Variants in ANKRD44 observed in about 807,000 individuals in gnomAD.
The protein encoded by ANKRD44 is ankyrin repeat domain 44, also known as serine/threonine-protein phosphatase 6 regulatory ankyrin repeat subunit B.
A neutral mutation model predicts 116.0 loss-of-function variants in ANKRD44; 35 were observed. The ratio of observed to expected loss-of-function variants is 0.30; its 90% CI spans 0.23 to 0.40. ANKRD44 has a LOEUF of 0.40. Ranked by LOEUF, ANKRD44 falls within the 10% of genes least tolerant of loss-of-function variation. ANKRD44 has a pLI of 1.00. For synonymous variants in ANKRD44, 435 were observed against 461.8 expected (o/e 0.94, Z 0.74); for missense variants, 1,014 against 1,242.6 (o/e 0.82, Z 2.77).
intron 3 of ANKRD44, among the ~76,000 whole-genome samples, chr2:197,139,961 C>T (rs2079319981): frequency 6.6e-6 from 1 of 151,016 alleles, no homozygotes; most frequent in South Asian, 2.1e-4. Flanking sequence ...CTCACTGCAA[C>T]ATCTGCCTCC....
At chr2:197,307,126 T>TA (rs1389260757) in intron 1 of ANKRD44, among the ~76,000 whole-genome samples, 2 of 152,178 alleles carry the variant, frequency 1.3e-5, no homozygotes, top group Non-Finnish European at 2.9e-5. Flanking sequence ...ATCAAATCAA[T>TA]TTTCAAAAAG....
chr2:197,279,346 C>T (rs1490944250), intron 1 of ANKRD44, among the ~76,000 whole-genome samples: 1 of 152,158 alleles, frequency 6.6e-6, no homozygotes, highest in Non-Finnish European at 1.5e-5. Flanking sequence ...AGTAAACAAG[C>T]CATTGAGTCT....
intron 7 of ANKRD44, among the ~76,000 whole-genome samples, chr2:197,121,758 T>C (rs968256777): frequency 2.0e-5 from 3 of 152,144 alleles, no homozygotes; most frequent in Admixed American, 6.5e-5. Flanking sequence ...AAAAATGAAC[T>C]GGAGACAGAG....
At chr2:197,157,706 C>G (rs1021384868) in intron 2 of ANKRD44, among the ~76,000 whole-genome samples, 7 of 148,064 alleles carry the variant, frequency 4.7e-5, no homozygotes, top group Non-Finnish European at 8.9e-5. Flanking sequence ...AAGGTACAAC[C>G]AAGATTCCTC....
In ANKRD44 at chr2:196,989,523, C is replaced by CACACACAT; in HGVS notation, c.*67_*68insATGTGTGT. 1.5e-6 allele frequency: 2 copies of CACACACAT among 1,327,748 alleles called. No individual in the cohort carries two copies. Among genetic ancestry groups the CACACACAT allele is most frequent in the Non-Finnish European group, 2.0e-6 (2 of 996,544 alleles). 82.2% of individuals were successfully genotyped at this position (1,327,748 alleles called of 1,614,324 possible). ...GGCTGATGAACTACACACACACACACATATATATATATATACACACGCACA... is the reference window on the plus strand; with the variant it reads ...GGCTGATGAACTACACACACACACACACACACATATATATATATATATACACACGCACA... On this transcript the variant is annotated 3_prime_UTR_variant, in exon 28 of 28. Coordinates refer to ENST00000282272, the MANE Select transcript of ANKRD44 (RefSeq NM_001195144.2).
intron 1 of ANKRD44, among the ~76,000 whole-genome samples, chr2:197,217,584 G>A (rs2081479725): frequency 6.6e-6 from 1 of 152,198 alleles, no homozygotes; most frequent in South Asian, 2.1e-4. Flanking sequence ...TAAAACAACT[G>A]AGAAATTAAA....
chr2:197,091,703 T>G (rs2078046550), intron 10 of ANKRD44, among the ~76,000 whole-genome samples: 1 of 152,224 alleles, frequency 6.6e-6, no homozygotes, highest in Non-Finnish European at 1.5e-5. Flanking sequence ...ATTGTGGTAT[T>G]ATGTCCCAAG....
At chr2:197,273,630 A>G (rs1036141822) in intron 1 of ANKRD44, among the ~76,000 whole-genome samples, 11 of 152,016 alleles carry the variant, frequency 7.2e-5, no homozygotes, top group Non-Finnish European at 1.2e-4. Context: ...AGGGCCTAGG[A>G]GCCAGGCCAG....
At chr2:197,300,551 G>C (rs1313861865) in intron 1 of ANKRD44, among the ~76,000 whole-genome samples, 1 of 151,936 alleles carries the variant, frequency 6.6e-6, no homozygotes, top group African/African-American at 2.4e-5. Flanking sequence ...CTTTAAAGAG[G>C]GCCTTTCATG....
chr2:197,243,226 A>T (rs949088302), intron 1 of ANKRD44, among the ~76,000 whole-genome samples: 5 of 152,234 alleles, frequency 3.3e-5, no homozygotes, highest in Non-Finnish European at 7.3e-5. Context: ...TGGTGACTGC[A>T]TATGTAATAT....
At chr2:197,121,606 C>A in intron 7 of ANKRD44, 62 bp from the exon 8 acceptor site, 3 of 1,414,488 alleles carry the variant, frequency 2.1e-6, no homozygotes, top group Non-Finnish European at 3.0e-6. Context: ...CCATTTTCCA[C>A]AAAAAGCATA....
chr2:197,034,086 G>GAA (rs1553490986), intron 16 of ANKRD44, among the ~76,000 whole-genome samples: 1 of 151,436 alleles, frequency 6.6e-6, no homozygotes, highest in Non-Finnish European at 1.5e-5. Context: ...GAGAGAGAGA[G>GAA]CTCATACTAT....
chr2:197,171,866 T>C (rs2080242402), intron 2 of ANKRD44, among the ~76,000 whole-genome samples: 1 of 152,210 alleles, frequency 6.6e-6, no homozygotes, highest in South Asian at 2.1e-4. Flanking sequence ...ATAAAAACTT[T>C]AAGCCTTCTT....
intron 1 of ANKRD44, among the ~76,000 whole-genome samples, chr2:197,202,001 T>C (rs6707856): frequency 0.082 from 12,493 of 152,276 alleles, 1,729 homozygotes; most frequent in African/African-American, 0.28. Flanking sequence ...TTTGAGATCA[T>C]GGTTGACTGT....
At chr2:197,266,338 C>T (rs2082740713) in intron 1 of ANKRD44, among the ~76,000 whole-genome samples, 1 of 151,868 alleles carries the variant, frequency 6.6e-6, no homozygotes, top group South Asian at 2.1e-4. Context: ...TATAAGGATG[C>T]CAGAGGAAAG....
At chr2:197,151,196 C>T (rs573766519) in intron 2 of ANKRD44, among the ~76,000 whole-genome samples, 1 of 150,966 alleles carries the variant, frequency 6.6e-6, no homozygotes, top group South Asian at 2.1e-4. Flanking sequence ...CAAAACCTAG[C>T]TGGATAGATA....
intron 12 of ANKRD44, 36 bp downstream of exon 12, chr2:197,088,675 T>G (rs1189302768): frequency 6.9e-7 from 1 of 1,443,210 alleles, no homozygotes. Flanking sequence ...GATGAATTAG[T>G]AACTCATAAA....
At chr2:197,079,097 C>T (rs960313009) in intron 15 of ANKRD44, among the ~76,000 whole-genome samples, 5 of 151,810 alleles carry the variant, frequency 3.3e-5, no homozygotes, top group Non-Finnish European at 5.9e-5. Context: ...TTTTTCTCCT[C>T]ATCTTCAGGT....
At chr2:197,241,705 A>G (rs2082092987) in intron 1 of ANKRD44, among the ~76,000 whole-genome samples, 1 of 152,168 alleles carries the variant, frequency 6.6e-6, no homozygotes, top group Non-Finnish European at 1.5e-5. Context: ...TCTAAGAAGT[A>G]GAGGTACTTA....
Sources: allele counts gnomAD v4.1 joint callset (sites outside exome capture counted in the v4.1 genomes callset), GRCh38; gene constraint gnomAD v4.1.1; transcripts MANE v1.5; gene names NCBI Gene and HGNC (gene_info 2026-07-23, HGNC 2026-07-21).